The following STXBP4 variants were observed in gnomAD, a reference collection of about 807,000 sequenced individuals.
The protein encoded by STXBP4 is syntaxin-binding protein 4.
A neutral mutation model predicts 76.1 loss-of-function variants in STXBP4; 55 were observed. That is an observed-to-expected ratio of 0.72 (90% CI 0.58 to 0.91). The LOEUF is 0.91. Among genes scored for constraint, STXBP4 ranks in the 40% least tolerant of loss-of-function variants. The pLI is 0.00. For synonymous variants in STXBP4, 201 were observed against 220.2 expected (o/e 0.91, Z 0.77); for missense variants, 618 against 636.9 (o/e 0.97, Z 0.32).
intron 8 of STXBP4, among the ~76,000 whole-genome samples, chr17:55,013,889 A>G (rs553251168): frequency 4.6e-5 from 7 of 152,138 alleles, no homozygotes; most frequent in Non-Finnish European, 1.0e-4. Context: ...CAGGATGTAC[A>G]GGGATGCAGA....
In STXBP4 at chr17:55,072,975, G is replaced by C; in HGVS notation, c.1087G>C (p.Ala363Pro). Residue 363 changes from alanine (A) to proline (P), a missense_variant, in exon 13 of 18, where the codon GCA becomes CCA. By Grantham distance (27) the Ala-to-Pro change is conservative. Coordinates refer to ENST00000376352, the MANE Select transcript of STXBP4 (RefSeq NM_178509.6). ...TCTTGCTGAAGCTGCTCAGAGACAGGCACATGGAATGGAAATGGACTATGA... is the reference window on the plus strand; with the variant it reads ...TCTTGCTGAAGCTGCTCAGAGACAGCCACATGGAATGGAAATGGACTATGA... The part of the protein sequence containing the change: ...IHLAEAAQRQ[A>P]HGMEMDYEEV... 6.2e-7 allele frequency: 1 copy of C among 1,614,000 alleles called. No homozygotes were observed. Among genetic ancestry groups the C allele is most frequent in the Non-Finnish European group, 8.5e-7 (1 of 1,179,914 alleles).
intron 4 of STXBP4, among the ~76,000 whole-genome samples, chr17:54,992,605 C>CTG (rs139437233): frequency 6.0e-5 from 9 of 149,380 alleles, no homozygotes; most frequent in African/African-American, 2.2e-4. Flanking sequence ...GAGTGTGTGT[C>CTG]TGTGTGTGTG....
chr17:55,194,717 G>A, the STXBP4 span, among the ~76,000 whole-genome samples: 1 of 152,184 alleles, frequency 6.6e-6, no homozygotes, highest in Non-Finnish European at 1.5e-5. Context: ...AAAGCTAAGA[G>A]GCAAGGCCAT....
intron 10 of STXBP4, among the ~76,000 whole-genome samples, chr17:55,035,797 CTT>C (rs1313433111): frequency 6.6e-6 from 1 of 151,834 alleles, no homozygotes; most frequent in African/African-American, 2.4e-5. Flanking sequence ...TTTCTGGACT[CTT>C]TATTCTGGTG....
At chr17:55,104,938 A>G (rs1047812136) in intron 16 of STXBP4, among the ~76,000 whole-genome samples, 13 of 152,062 alleles carry the variant, frequency 8.5e-5, no homozygotes, top group African/African-American at 2.9e-4. Context: ...GTATTCTCTC[A>G]TGGTAGTTTG....
intron 11 of STXBP4, chr17:55,043,576 A>G: frequency 1.3e-6 from 2 of 1,522,106 alleles, no homozygotes; most frequent in Non-Finnish European, 1.8e-6. Context: ...TCTTCTGTTG[A>G]GGTTTCTTCT....
chr17:55,013,765 C>A (rs190907424), intron 8 of STXBP4, among the ~76,000 whole-genome samples: 9 of 152,200 alleles, frequency 5.9e-5, no homozygotes, highest in Admixed American at 5.9e-4. Context: ...AAGTCTTGGG[C>A]TAATGCCTGG....
At chr17:55,043,368 AAG>A (rs1598257454) in intron 11 of STXBP4, 43 bp downstream of exon 11, 1 of 1,183,356 alleles carries the variant, frequency 8.5e-7, no homozygotes, top group Non-Finnish European at 1.1e-6. Context: ...TCAGAAAAAA[AAG>A]AAAAAGAAAA....
intron 13 of STXBP4, among the ~76,000 whole-genome samples, chr17:55,076,598 T>A (rs1248823000): frequency 3.9e-5 from 6 of 152,188 alleles, no homozygotes. Context: ...GCTTCAATGT[T>A]CAGCAGTTTG....
chr17:54,998,095 C>T (rs569177148), intron 4 of STXBP4, among the ~76,000 whole-genome samples: 1 of 152,134 alleles, frequency 6.6e-6, no homozygotes, highest in East Asian at 1.9e-4. Flanking sequence ...AGAGATAGTA[C>T]TTCATGTCTT....
At chr17:55,087,767 T>C (rs1440958472) in intron 16 of STXBP4, among the ~76,000 whole-genome samples, 1 of 152,186 alleles carries the variant, frequency 6.6e-6, no homozygotes, top group African/African-American at 2.4e-5. Context: ...TTTTTCTGTT[T>C]CCGTGAAGAA....
Position 55,028,883 on chromosome 17 carries a change from A to G in STXBP4, c.667-2285A>G, listed in dbSNP as rs570508283. ...TGTAGAAAAATAGAAATGCTTATTC[A>G]CTACTGGTGTGCATAAATTAATGAA... On this transcript the variant is annotated intron_variant, in intron 8 of 17. Coordinates refer to ENST00000376352, the MANE Select transcript of STXBP4 (RefSeq NM_178509.6). 2.8e-4 allele frequency among the ~76,000 whole-genome samples: 43 copies of G among 152,300 alleles called. 1 individual carries two copies. Among genetic ancestry groups the G allele is most frequent in the Middle Eastern group, 6.8e-3 (2 of 294 alleles).
intron 16 of STXBP4, among the ~76,000 whole-genome samples, chr17:55,116,492 A>G (rs981136184): frequency 1.1e-4 from 16 of 151,786 alleles, no homozygotes; most frequent in African/African-American, 3.6e-4. Context: ...CTTAATTGGT[A>G]TTTAAAACAG....
At chr17:54,980,392 G>T (rs760601275) in intron 1 of STXBP4, among the ~76,000 whole-genome samples, 45 of 152,150 alleles carry the variant, frequency 3.0e-4, no homozygotes, top group Non-Finnish European at 5.9e-4. Context: ...AAGTCGTCCA[G>T]GTTCTTGGCA....
At chr17:55,156,771 G>A (rs1187280774) in intron 17 of STXBP4, among the ~76,000 whole-genome samples, 1 of 152,088 alleles carries the variant, frequency 6.6e-6, no homozygotes, top group Non-Finnish European at 1.5e-5. Flanking sequence ...ATCATATTGT[G>A]AATATAAGAT....
chr17:55,088,512 T>G (rs953534914), intron 16 of STXBP4, among the ~76,000 whole-genome samples: 2 of 152,164 alleles, frequency 1.3e-5, no homozygotes, highest in African/African-American at 4.8e-5. Context: ...TCTCCTTGCC[T>G]CAGCCTCCTG....
At chr17:54,987,974 A>T (rs2077651216) in intron 3 of STXBP4, among the ~76,000 whole-genome samples, 1 of 152,268 alleles carries the variant, frequency 6.6e-6, no homozygotes, top group Admixed American at 6.5e-5. Flanking sequence ...ACTATTTTTA[A>T]TACTTAATAG....
At chr17:55,062,211 G>T (rs959753444) in intron 12 of STXBP4, among the ~76,000 whole-genome samples, 1 of 151,950 alleles carries the variant, frequency 6.6e-6, no homozygotes, top group African/African-American at 2.4e-5. Context: ...TCTACATTAG[G>T]TATTTCTCCT....
chr17:55,185,873 G>A, the STXBP4 span, among the ~76,000 whole-genome samples: 3 of 152,188 alleles, frequency 2.0e-5, no homozygotes, highest in South Asian at 2.1e-4. Context: ...GCAGAGGAAC[G>A]TCATGTTTAA....
Sources: gnomAD v4.1 joint callset for allele counts (sites outside exome capture counted in the v4.1 genomes callset) on GRCh38, gnomAD v4.1.1 for gene constraint, MANE v1.5 for transcripts, NCBI Gene and HGNC (gene_info 2026-07-23, HGNC 2026-07-21) for gene names.